The following ST7 variants were observed in gnomAD, a reference collection of about 807,000 sequenced individuals.
ST7 encodes the protein suppression of tumorigenicity 7.
In ST7, 28 loss-of-function variants were observed where a neutral mutation model predicts 78.7. That is an observed-to-expected ratio of 0.36 (90% CI 0.26 to 0.49). The LOEUF (loss-of-function observed/expected upper bound fraction) is 0.49, where lower values mean the gene tolerates loss of function less well. Among genes scored for constraint, ST7 ranks in the 20% least tolerant of loss-of-function variants. The pLI, the probability that ST7 is intolerant of heterozygous loss-of-function variation, is 0.99. For missense variants in ST7, 418 were observed against 696.0 expected, an observed-to-expected ratio of 0.60 and a Z score of 4.49; for synonymous variants, 247 against 249.6, an observed-to-expected ratio of 0.99 and a Z score of 0.10.
At chr7:117,049,732 G>A (rs149305662) in intron 1 of ST7, among the ~76,000 whole-genome samples, 1 of 152,216 alleles carries the variant, frequency 6.6e-6, no homozygotes, top group East Asian at 1.9e-4. Context: ...CATGTATCTC[G>A]AAGTGGTGGG....
At chr7:117,023,751 A>G (rs1464726151) in intron 1 of ST7, among the ~76,000 whole-genome samples, 1 of 151,398 alleles carries the variant, frequency 6.6e-6, no homozygotes, top group African/African-American at 2.4e-5. Context: ...GATAATTAAA[A>G]TGTATATTTG....
At chr7:117,152,065 G>A (rs1806286792) in intron 9 of ST7, among the ~76,000 whole-genome samples, 1 of 150,258 alleles carries the variant, frequency 6.7e-6, no homozygotes, top group Non-Finnish European at 1.5e-5. Context: ...GTTGCAGTGA[G>A]CCGAGATCAT....
intron 12 of ST7, among the ~76,000 whole-genome samples, chr7:117,206,852 A>G (rs1791806840): frequency 6.6e-6 from 1 of 152,196 alleles, no homozygotes. Context: ...CACAACAGTC[A>G]ATGCTGTCCA....
chr7:117,119,850 C>T (rs1024900412), intron 3 of ST7, 130 bp downstream of exon 3: 1 of 1,087,352 alleles, frequency 9.2e-7, no homozygotes, highest in African/African-American at 1.6e-5. Flanking sequence ...AGATCATTTT[C>T]CCATGGAGTT....
At chr7:117,081,255 A>G (rs1269969624) in intron 1 of ST7, among the ~76,000 whole-genome samples, 1 of 152,146 alleles carries the variant, frequency 6.6e-6, no homozygotes, top group Non-Finnish European at 1.5e-5. Context: ...TGCTCATAGT[A>G]GGTACCTAAC....
At chr7:117,118,637 T>A (rs1268779948) in intron 2 of ST7, among the ~76,000 whole-genome samples, 3 of 152,192 alleles carry the variant, frequency 2.0e-5, no homozygotes, top group African/African-American at 7.2e-5. Flanking sequence ...GATTCTTAAA[T>A]TTCTTCTGTG....
intron 9 of ST7, among the ~76,000 whole-genome samples, chr7:117,141,782 A>G (rs1805326549): frequency 6.6e-6 from 1 of 151,636 alleles, no homozygotes; most frequent in Admixed American, 6.6e-5. Context: ...TTGTTTCCCC[A>G]CCTCAGCCTC....
At chr7:117,187,472 A>G (rs1161716400) in intron 10 of ST7, 1 of 152,166 alleles carries the variant, frequency 6.6e-6, no homozygotes, top group Admixed American at 6.5e-5. Flanking sequence ...ATGCTGTTGC[A>G]TTTTTCTAGC....
intron 1 of ST7, among the ~76,000 whole-genome samples, chr7:117,044,080 A>G (rs1023719203): frequency 1.3e-5 from 2 of 152,144 alleles, no homozygotes; most frequent in African/African-American, 2.4e-5. Flanking sequence ...CTCAGTACAC[A>G]TCCCTGGGAT....
intron 1 of ST7, among the ~76,000 whole-genome samples, chr7:116,973,576 C>T (rs1304912143): frequency 6.6e-6 from 1 of 152,320 alleles, no homozygotes; most frequent in Non-Finnish European, 1.5e-5. Context: ...TAAAAATAAA[C>T]TGTTACCTAG....
chr7:117,001,965 C>T (rs1014147966), intron 1 of ST7, among the ~76,000 whole-genome samples: 11 of 152,128 alleles, frequency 7.2e-5, no homozygotes, highest in African/African-American at 2.4e-4. Flanking sequence ...GTGGCTCACG[C>T]CTGTAATCCC....
chr7:117,167,001 G>A (rs934702876), intron 9 of ST7, among the ~76,000 whole-genome samples: 1 of 151,990 alleles, frequency 6.6e-6, no homozygotes, highest in African/African-American at 2.4e-5. Context: ...AACGTATGAG[G>A]GGCATAAGTT....
At chr7:117,202,484 A>G (rs546825942) in intron 12 of ST7, among the ~76,000 whole-genome samples, 20 of 152,220 alleles carry the variant, frequency 1.3e-4, no homozygotes, top group Admixed American at 6.5e-5. Context: ...ACCCTAGCTA[A>G]GGAGCTCACA....
At chr7:117,055,478 A>C (rs1271783853) in intron 1 of ST7, among the ~76,000 whole-genome samples, 2 of 152,162 alleles carry the variant, frequency 1.3e-5, no homozygotes, top group Non-Finnish European at 2.9e-5. Context: ...TGCTGGGATT[A>C]TTCCCCAACT....
rs1765474298 is a variant in ST7, at chr7:117,086,668, A to G, written c.152-13094A>G. Among the ~76,000 whole-genome samples, 3 of 152,172 alleles carry G rather than the reference A, an allele frequency of 2.0e-5. No homozygotes were observed. The South Asian group carries it at 6.2e-4, about 31-fold the overall frequency. On this transcript the variant is annotated intron_variant, in intron 1 of 15. Coordinates refer to ENST00000323984, the MANE Select transcript of ST7 (RefSeq NM_001369598.1). The stretch of plus-strand genomic sequence containing the variant: ...CTGGAATTTAGATGCATCTTTTAAT[A>G]GATTTTTTTTTTAAACTGGCTTGCC...
intron 1 of ST7, among the ~76,000 whole-genome samples, chr7:117,003,158 AT>A (rs1033664400): frequency 1.5e-4 from 22 of 145,726 alleles, no homozygotes; most frequent in African/African-American, 2.0e-4. Flanking sequence ...TATTATTATT[AT>A]TTTTTTTTTG....
intron 1 of ST7, among the ~76,000 whole-genome samples, chr7:116,984,182 G>A (rs1226344070): frequency 6.6e-6 from 1 of 151,530 alleles, no homozygotes; most frequent in African/African-American, 2.4e-5. Flanking sequence ...TTTGAAATTG[G>A]GCTGAATAAT....
At chr7:117,064,201 T>C (rs1798511819) in intron 1 of ST7, among the ~76,000 whole-genome samples, 1 of 152,184 alleles carries the variant, frequency 6.6e-6, no homozygotes, top group Non-Finnish European at 1.5e-5. Context: ...TTTTTTCTTT[T>C]ATATTATCCT....
At chr7:117,194,098 C>G (rs1475131636) in intron 12 of ST7, among the ~76,000 whole-genome samples, 1 of 152,158 alleles carries the variant, frequency 6.6e-6, no homozygotes, top group East Asian at 1.9e-4. Flanking sequence ...AGCAGAGCCA[C>G]TTAAGTGGTC....
Sources: gnomAD v4.1 joint callset for allele counts (sites outside exome capture counted in the v4.1 genomes callset) on GRCh38, gnomAD v4.1.1 for gene constraint, MANE v1.5 for transcripts, NCBI Gene and HGNC (gene_info 2026-07-23, HGNC 2026-07-21) for gene names.